Variants in CELF2 observed in about 807,000 individuals in gnomAD.
CELF2 encodes CUGBP Elav-like family member 2, also known as CUG triplet repeat RNA-binding protein 2.
A neutral mutation model predicts 62.6 loss-of-function variants in CELF2; 8 were observed. That is an observed-to-expected ratio of 0.13 (90% CI 0.07 to 0.23). CELF2 has a LOEUF of 0.23. Among genes scored for constraint, CELF2 ranks in the 10% least tolerant of loss-of-function variants. CELF2 has a pLI of 1.00. For synonymous variants in CELF2, 258 were observed against 250.0 expected, an observed-to-expected ratio of 1.03 and a Z score of -0.30; for missense variants, 333 against 671.0, an observed-to-expected ratio of 0.50 and a Z score of 5.56.
intron 1 of CELF2, among the ~76,000 whole-genome samples, chr10:11,148,105 G>A (rs2062616059): frequency 6.6e-6 from 1 of 152,270 alleles, no homozygotes; most frequent in South Asian, 2.1e-4. Flanking sequence ...GAAGAACGTG[G>A]CTTGATAAGG....
intron 3 of CELF2, among the ~76,000 whole-genome samples, chr10:11,233,424 C>T (rs898244478): frequency 1.4e-4 from 22 of 152,170 alleles, no homozygotes; most frequent in African/African-American, 4.8e-4. Flanking sequence ...CGCGTGATTT[C>T]TTTAGGTCCC....
the CELF2 span, among the ~76,000 whole-genome samples, chr10:10,572,944 C>T: frequency 2.1e-4 from 32 of 152,282 alleles, no homozygotes; most frequent in African/African-American, 5.3e-4. Context: ...ACACCATCTT[C>T]CACAATGGTT....
chr10:10,618,313 C>T, the CELF2 span, among the ~76,000 whole-genome samples: 1 of 152,186 alleles, frequency 6.6e-6, no homozygotes, highest in South Asian at 2.1e-4. Context: ...CAGCCTCTTC[C>T]CTACTCTCCC....
At chr10:10,777,421 A>G in the CELF2 span, among the ~76,000 whole-genome samples, 2 of 152,190 alleles carry the variant, frequency 1.3e-5, no homozygotes, top group South Asian at 2.1e-4. Flanking sequence ...ATCACATGTA[A>G]CAAGCTGTCC....
chr10:10,951,722 A>C (rs953643005), intron 2 of CELF2: 3 of 152,260 alleles, frequency 2.0e-5, no homozygotes, highest in African/African-American at 7.2e-5. Flanking sequence ...TTTCCATTTA[A>C]ATCAAACTCT....
intron 3 of CELF2, among the ~76,000 whole-genome samples, chr10:11,234,607 G>A (rs12256282): frequency 3.2e-5 from 4 of 124,494 alleles, no homozygotes; most frequent in Admixed American, 8.0e-5. Flanking sequence ...GCGTGAACCC[G>A]GGGGGCGGAG....
the CELF2 span, among the ~76,000 whole-genome samples, chr10:10,761,897 T>TA: frequency 2.1e-5 from 3 of 145,234 alleles, no homozygotes; most frequent in Non-Finnish European, 4.5e-5. Flanking sequence ...CAATTCCTTA[T>TA]AATAAACCGT....
chr10:10,499,111 G>A, the CELF2 span, among the ~76,000 whole-genome samples: 1 of 148,332 alleles, frequency 6.7e-6, no homozygotes, highest in East Asian at 2.0e-4. Flanking sequence ...CTGTTGCCTA[G>A]GCTAGAGTTC....
chr10:10,978,735 A>G (rs534772093), intron 2 of CELF2, among the ~76,000 whole-genome samples: 4 of 152,360 alleles, frequency 2.6e-5, no homozygotes, highest in Admixed American at 6.5e-5. Flanking sequence ...ATTATATGGT[A>G]GGCCAATACC....
At chr10:10,537,225 C>T in the CELF2 span, among the ~76,000 whole-genome samples, 26 of 152,206 alleles carry the variant, frequency 1.7e-4, no homozygotes, top group African/African-American at 6.0e-4. Context: ...GCTCGTTGGC[C>T]ATGCAAAGAT....
chr10:10,908,404 T>C (rs1224764311), intron 1 of CELF2, among the ~76,000 whole-genome samples: 1 of 151,654 alleles, frequency 6.6e-6, no homozygotes, highest in African/African-American at 2.4e-5. Flanking sequence ...GTATTTTTAG[T>C]AGAGACGGGG....
At chr10:10,649,737 C>T in the CELF2 span, among the ~76,000 whole-genome samples, 1 of 152,172 alleles carries the variant, frequency 6.6e-6, no homozygotes, top group Non-Finnish European at 1.5e-5. Flanking sequence ...TCCCAAAATA[C>T]TGGTTTCTGG....
intron 1 of CELF2, among the ~76,000 whole-genome samples, chr10:10,901,665 A>G (rs989397499): frequency 4.7e-5 from 7 of 150,028 alleles, no homozygotes; most frequent in Non-Finnish European, 8.8e-5. Context: ...GACTTCACTA[A>G]AGTTTTTTTA....
At chr10:10,961,441 T>C (rs1042388663) in intron 2 of CELF2, among the ~76,000 whole-genome samples, 1 of 152,158 alleles carries the variant, frequency 6.6e-6, no homozygotes, top group Non-Finnish European at 1.5e-5. Context: ...ACACGGAAGA[T>C]TTTGTTTAAA....
At chr10:10,721,537 C>T in the CELF2 span, among the ~76,000 whole-genome samples, 31,458 of 152,102 alleles carry the variant, frequency 0.21, 4,128 homozygotes, top group South Asian at 0.42. Flanking sequence ...TCCTCATCAA[C>T]ACCTTAGCCC....
In CELF2 at chr10:11,254,291, C is replaced by T. The variant is rs1026278791; in HGVS notation, c.404-3447C>T. On this transcript the variant is annotated intron_variant, in intron 4 of 12. Transcript: ENST00000633077. ...AAACACAGCCCAACTGTTGAAACCACGGAGCAACTTTGGCTAGTAAGAGAT... is the reference window on the plus strand; with the variant it reads ...AAACACAGCCCAACTGTTGAAACCATGGAGCAACTTTGGCTAGTAAGAGAT... Among the ~76,000 whole-genome samples, 11 of 152,360 alleles carry T rather than the reference C, an allele frequency of 7.2e-5. No homozygotes were observed. In the South Asian group the frequency reaches 1.7e-3, roughly 23 times the overall value.
chr10:11,077,758 C>T (rs1442377373), intron 1 of CELF2, among the ~76,000 whole-genome samples: 1 of 152,030 alleles, frequency 6.6e-6, no homozygotes, highest in African/African-American at 2.4e-5. Context: ...GAACAATTCA[C>T]CATAATCAAA....
chr10:10,576,972 T>C, the CELF2 span, among the ~76,000 whole-genome samples: 10 of 152,214 alleles, frequency 6.6e-5, no homozygotes, highest in East Asian at 1.5e-3. Flanking sequence ...ACATATTCAC[T>C]CCCATTACCT....
the CELF2 span, among the ~76,000 whole-genome samples, chr10:10,466,029 T>A: frequency 6.6e-6 from 1 of 152,142 alleles, no homozygotes; most frequent in Non-Finnish European, 1.5e-5. Context: ...TTACATGTGA[T>A]CCAAGAAACA....
Sources: allele counts gnomAD v4.1 joint callset (sites outside exome capture counted in the v4.1 genomes callset), GRCh38; gene constraint gnomAD v4.1.1; transcripts MANE v1.5; gene names NCBI Gene and HGNC (gene_info 2026-07-23, HGNC 2026-07-21).